Variants in AKAP13 observed in about 807,000 individuals in gnomAD.
AKAP13 encodes A-kinase anchoring protein 13, also known as A-kinase anchor protein 13.
A neutral mutation model predicts 264.5 loss-of-function variants in AKAP13; 80 were observed. The ratio of observed to expected loss-of-function variants is 0.30; its 90% confidence interval spans 0.25 to 0.36. The LOEUF is 0.36. AKAP13 is among the 10% of genes least tolerant of loss of function. The pLI is 1.00. For missense variants in AKAP13, 3,712 were observed against 3,435.2 expected (o/e 1.08, Z -2.01); for synonymous variants, 1,380 against 1,250.2 (o/e 1.10, Z -2.19).
chr15:85,575,670 C>T (rs2078983418), intron 6 of AKAP13, among the ~76,000 whole-genome samples: 1 of 151,066 alleles, frequency 6.6e-6, no homozygotes, highest in African/African-American at 2.4e-5. Flanking sequence ...CTAGCCTGGG[C>T]AACAGAGCGA....
chr15:85,556,492 A>G (rs574316529), intron 5 of AKAP13, among the ~76,000 whole-genome samples: 42 of 152,262 alleles, frequency 2.8e-4, no homozygotes, highest in African/African-American at 1.0e-3. Flanking sequence ...ACTGTAGTAA[A>G]TATTGTTAGC....
chr15:85,729,181 C>G (rs1325735567), intron 29 of AKAP13, among the ~76,000 whole-genome samples: 2 of 152,004 alleles, frequency 1.3e-5, no homozygotes, highest in Non-Finnish European at 2.9e-5. Flanking sequence ...TGCCTGTAAT[C>G]CCAGCTACTT....
chr15:85,653,669 A>G (rs2082969526), intron 10 of AKAP13, among the ~76,000 whole-genome samples: 1 of 152,174 alleles, frequency 6.6e-6, no homozygotes, highest in Admixed American at 6.5e-5. Context: ...TCTTTCTTGA[A>G]GAACCATAAT....
At chr15:85,448,632 C>T (rs1031539035) in intron 1 of AKAP13, among the ~76,000 whole-genome samples, 41 of 152,090 alleles carry the variant, frequency 2.7e-4, no homozygotes, top group African/African-American at 9.9e-4. Context: ...AGTCTTTTCC[C>T]TATTGCTTGT....
chr15:85,744,461 A>C, intron 36 of AKAP13, 167 bp from the exon 37 acceptor site: 1 of 707,434 alleles, frequency 1.4e-6, no homozygotes, highest in Non-Finnish European at 2.5e-6. Flanking sequence ...ATCACTTAAG[A>C]ACCTTATTAA....
intron 1 of AKAP13, among the ~76,000 whole-genome samples, chr15:85,397,816 C>G (rs1375925170): frequency 1.3e-5 from 2 of 152,100 alleles, no homozygotes; most frequent in East Asian, 3.8e-4. Context: ...TAGTCACTGC[C>G]CTTAAAGCAC....
At chr15:85,562,528 G>A (rs1272298962) in intron 5 of AKAP13, among the ~76,000 whole-genome samples, 1 of 131,850 alleles carries the variant, frequency 7.6e-6, no homozygotes, top group African/African-American at 2.9e-5. Context: ...TCGTGCCACT[G>A]CACTCCATCC....
intron 1 of AKAP13, among the ~76,000 whole-genome samples, chr15:85,442,683 A>G (rs2073751255): frequency 6.6e-6 from 1 of 151,434 alleles, no homozygotes. Flanking sequence ...AAGTATGAAG[A>G]AAAAACTTTC....
rs2083986877 is a variant in AKAP13 at position 85,672,524 on chromosome 15, C to T, written c.5101+2694C>T. Among the ~76,000 whole-genome samples the T allele has an allele frequency of 7.9e-5, 12 of 152,310 alleles. No individual in the cohort carries two copies. The South Asian group carries it at 2.5e-3, about 32-fold the overall frequency. ...GGCTCAAGTGTTCAATTCCAAGTCACTTAAATACTCAGCATGATTCATCTA... is the reference window on the plus strand; with the variant it reads ...GGCTCAAGTGTTCAATTCCAAGTCATTTAAATACTCAGCATGATTCATCTA... On this transcript the variant is annotated intron_variant, in intron 14 of 36. Coordinates refer to ENST00000394518, the MANE Select transcript of AKAP13 (RefSeq NM_007200.5).
intron 1 of AKAP13, among the ~76,000 whole-genome samples, chr15:85,385,417 C>T (rs1009408958): frequency 2.0e-4 from 31 of 152,180 alleles, no homozygotes; most frequent in African/African-American, 6.5e-4. Context: ...ACTAAAATTC[C>T]GCCATTTTAG....
intron 1 of AKAP13, among the ~76,000 whole-genome samples, chr15:85,425,733 A>G (rs1351251388): frequency 6.6e-6 from 1 of 151,270 alleles, no homozygotes; most frequent in Non-Finnish European, 1.5e-5. Flanking sequence ...AAAAAAAAAA[A>G]GAACTTACCT....
intron 1 of AKAP13, among the ~76,000 whole-genome samples, chr15:85,447,156 A>G (rs1379159289): frequency 1.3e-5 from 2 of 152,098 alleles, no homozygotes; most frequent in Non-Finnish European, 2.9e-5. Flanking sequence ...AATCCCAGCT[A>G]CTTGGGAGGC....
intron 12 of AKAP13, 29 bp from the exon 13 acceptor site, chr15:85,664,534 A>G: frequency 3.2e-6 from 5 of 1,568,568 alleles, no homozygotes; most frequent in South Asian, 1.2e-5. Context: ...CAGAAATAGA[A>G]TGAATTAACT....
At chr15:85,619,838 T>C (rs184100384) in intron 8 of AKAP13, 1 of 1,339,020 alleles carries the variant, frequency 7.5e-7, no homozygotes, top group East Asian at 2.9e-5. Flanking sequence ...TATTATGAGT[T>C]CTACATTCAT....
chr15:85,704,273 G>A (rs868758189), intron 17 of AKAP13, among the ~76,000 whole-genome samples: 2 of 152,170 alleles, frequency 1.3e-5, no homozygotes, highest in Admixed American at 6.5e-5. Context: ...TCGTTTCTGT[G>A]TAGGCAGTCC....
At chr15:85,559,648 C>T (rs908665285) in intron 5 of AKAP13, among the ~76,000 whole-genome samples, 9 of 151,988 alleles carry the variant, frequency 5.9e-5, no homozygotes, top group African/African-American at 2.2e-4. Flanking sequence ...CTAGATCCCT[C>T]ACATACGCAG....
chr15:85,438,103 A>C (rs972123686), intron 1 of AKAP13, among the ~76,000 whole-genome samples: 2 of 147,498 alleles, frequency 1.4e-5, no homozygotes, highest in African/African-American at 5.1e-5. Context: ...TAAGCTGATA[A>C]GCAACTTCAG....
At chr15:85,738,324 G>A (rs2151773678) in intron 33 of AKAP13, among the ~76,000 whole-genome samples, 1 of 151,880 alleles carries the variant, frequency 6.6e-6, no homozygotes, top group East Asian at 2.0e-4. Flanking sequence ...CCCAGGAGGT[G>A]GAGGTTGCAG....
chr15:85,666,386 A>T (rs1455740495), intron 13 of AKAP13, among the ~76,000 whole-genome samples: 3 of 150,864 alleles, frequency 2.0e-5, no homozygotes, highest in Non-Finnish European at 3.0e-5. Context: ...TTTTTCTTGT[A>T]AATTTTTTTA....
Sources: allele counts gnomAD v4.1 joint callset (sites outside exome capture counted in the v4.1 genomes callset), GRCh38; gene constraint gnomAD v4.1.1; transcripts MANE v1.5; gene names NCBI Gene and HGNC (gene_info 2026-07-23, HGNC 2026-07-21).